The following HIPK2 variants were observed in gnomAD, a reference collection of about 807,000 sequenced individuals.
The protein encoded by HIPK2 is homeodomain interacting protein kinase 2, also known as homeodomain-interacting protein kinase 2.
HIPK2 carries 27 observed loss-of-function variants against 113.7 expected under a neutral mutation model. The observed-to-expected ratio is 0.24, with a 90% confidence interval of 0.17 to 0.33. The LOEUF (loss-of-function observed/expected upper bound fraction) is 0.33, where lower values mean the gene tolerates loss of function less well. HIPK2 is among the 10% of genes least tolerant of loss of function. The pLI is 1.00. For missense variants in HIPK2, 1,257 were observed against 1,588.0 expected (o/e 0.79, Z 3.54); for synonymous variants, 631 against 642.2 (o/e 0.98, Z 0.26).
chr7:139,676,761 G>A (rs906478241), intron 2 of HIPK2, among the ~76,000 whole-genome samples: 5 of 151,966 alleles, frequency 3.3e-5, no homozygotes, highest in South Asian at 2.1e-4. Flanking sequence ...GTAGGTACTC[G>A]AAAAACATGT....
chr7:139,741,627 T>G (rs1796100476), intron 1 of HIPK2, among the ~76,000 whole-genome samples: 1 of 148,546 alleles, frequency 6.7e-6, no homozygotes. Context: ...CCCATTAATC[T>G]CCACACTCTA....
chr7:139,581,925 C>T (rs1245130350), intron 13 of HIPK2, among the ~76,000 whole-genome samples: 1 of 152,210 alleles, frequency 6.6e-6, no homozygotes, highest in Admixed American at 6.5e-5. Flanking sequence ...AAGACAAATT[C>T]TATCCTTTGC....
rs1585278038 is a variant in HIPK2, at chr7:139,613,766, T to C, written c.1991-443A>G. 1.3e-5 allele frequency among the ~76,000 whole-genome samples: 2 copies of C among 152,320 alleles called. No homozygotes were observed. Among genetic ancestry groups the C allele is most frequent in the Middle Eastern group, 3.4e-3 (1 of 294 alleles). On this transcript the variant is annotated intron_variant, in intron 8 of 14. Coordinates refer to ENST00000406875, the MANE Select transcript of HIPK2 (RefSeq NM_022740.5). This position sits in a 1 kb window ranked among gnomAD's most constrained non-coding sequence, Gnocchi z 4.2. ...ATTCTTAAGCTTTCTGGGTAAATTGTAACAAAGTACACAGTCTAGCTTCTT... is the reference window on the plus strand; with the variant it reads ...ATTCTTAAGCTTTCTGGGTAAATTGCAACAAAGTACACAGTCTAGCTTCTT...
intron 12 of HIPK2, among the ~76,000 whole-genome samples, chr7:139,586,026 A>G (rs181916641): frequency 1.8e-4 from 27 of 152,338 alleles, no homozygotes; most frequent in Middle Eastern, 6.8e-3. Flanking sequence ...GTTAAATAGT[A>G]AAAGCTTTAA....
At chr7:139,651,260 C>G (rs1801448390) in intron 2 of HIPK2, among the ~76,000 whole-genome samples, 1 of 152,122 alleles carries the variant, frequency 6.6e-6, no homozygotes, top group African/African-American at 2.4e-5. Context: ...TTCCAAGCAC[C>G]CAAATGCAGG....
intron 14 of HIPK2, among the ~76,000 whole-genome samples, chr7:139,574,301 G>A (rs921982929): frequency 2.0e-5 from 3 of 152,136 alleles, no homozygotes; most frequent in African/African-American, 7.2e-5. Context: ...TTGAGTCCAG[G>A]AGGCAGAGGC....
chr7:139,591,800 G>A (rs1213454325), intron 12 of HIPK2, among the ~76,000 whole-genome samples: 3 of 152,254 alleles, frequency 2.0e-5, no homozygotes, highest in African/African-American at 7.2e-5. Context: ...ATGGCACTGT[G>A]TGTCTGGGTT....
intron 2 of HIPK2, among the ~76,000 whole-genome samples, chr7:139,697,319 G>C (rs1044923248): frequency 2.0e-5 from 3 of 152,324 alleles, no homozygotes; most frequent in African/African-American, 7.2e-5. Context: ...TTTTCTCTCC[G>C]AGTGAAGGAG....
intron 13 of HIPK2, among the ~76,000 whole-genome samples, chr7:139,580,006 C>T (rs959365717): frequency 2.0e-5 from 3 of 152,164 alleles, no homozygotes; most frequent in Non-Finnish European, 2.9e-5. Flanking sequence ...ACTCAAAGGT[C>T]CCCCAAAACC....
At chr7:139,679,435 G>A (rs1278384528) in intron 2 of HIPK2, among the ~76,000 whole-genome samples, 4 of 151,952 alleles carry the variant, frequency 2.6e-5, no homozygotes, top group Admixed American at 2.0e-4. Context: ...AAGAAGATGT[G>A]GGTACTTCGG....
At chr7:139,725,022 A>C (rs1795530238) in intron 1 of HIPK2, among the ~76,000 whole-genome samples, 1 of 152,184 alleles carries the variant, frequency 6.6e-6, no homozygotes. Flanking sequence ...AAAAACAAAA[A>C]ACATGAAATA....
Position 139,596,927 on chromosome 7 carries a change from T to C in HIPK2, c.2507A>G (p.Glu836Gly), listed in dbSNP as rs1799238935. 4 of 1,612,882 alleles carry C rather than the reference T, an allele frequency of 2.5e-6. No individual in the cohort carries two copies. Among genetic ancestry groups the C allele is most frequent in the Admixed American group, 1.7e-5 (1 of 59,996 alleles). The change falls in exon 12 of 15, where the codon GAG becomes GGG. Residue 836 changes from glutamate (E) to glycine (G), a missense_variant. By Grantham distance (98) the Glu-to-Gly change is moderately conservative. Coordinates refer to ENST00000406875, the MANE Select transcript of HIPK2 (RefSeq NM_022740.5). Reference protein sequence around the residue: ...SSPQRSKRVKENTPPRCAMVH... With the variant: ...SSPQRSKRVKGNTPPRCAMVH... ...CATGGCACAGCGGGGAGGTGTGTTC[T>C]CCTTGACACGCTTGGATCGCTGTGG...
intron 2 of HIPK2, among the ~76,000 whole-genome samples, chr7:139,637,223 T>A (rs534934513): frequency 6.6e-6 from 1 of 152,152 alleles, no homozygotes; most frequent in East Asian, 1.9e-4. Context: ...ACTTCCTCCA[T>A]GGCAGCCACA....
intron 14 of HIPK2, 74 bp downstream of exon 14, chr7:139,575,054 G>A (rs1798440043): frequency 6.7e-7 from 1 of 1,491,942 alleles, no homozygotes; most frequent in South Asian, 1.3e-5. Flanking sequence ...GGCCGCCACA[G>A]CAATCCTCTC....
intron 1 of HIPK2, among the ~76,000 whole-genome samples, chr7:139,726,951 T>C (rs1372864416): frequency 2.0e-5 from 3 of 152,152 alleles, no homozygotes; most frequent in Non-Finnish European, 2.9e-5. Context: ...AAGGGCTTGG[T>C]TTGGGGCAGA....
chr7:139,714,127 G>A lies in HIPK2; in HGVS notation c.1103+1805C>T, dbSNP rs187391351. On this transcript the variant is annotated intron_variant, in intron 2 of 14. Coordinates refer to ENST00000406875, the MANE Select transcript of HIPK2 (RefSeq NM_022740.5). The surrounding 1 kb of genome is among the most constrained non-coding windows in gnomAD (Gnocchi z 4.2). ...CAGCAGTAGACCCGTCTGTCCGCAC[G>A]GGGCCTGGTGGTGAAAGCACAGGCC... is the stretch of plus-strand genomic sequence containing the variant. Among the ~76,000 whole-genome samples, 45 of 152,320 alleles carry A rather than the reference G, an allele frequency of 3.0e-4. No individual in the cohort carries two copies. Among genetic ancestry groups the A allele is most frequent in the African/African-American group, 1.0e-3 (42 of 41,578 alleles).
intron 8 of HIPK2, 82 bp downstream of exon 8, chr7:139,614,204 C>T (rs1362419710): frequency 4.2e-6 from 5 of 1,195,362 alleles, no homozygotes; most frequent in Non-Finnish European, 4.4e-6. Flanking sequence ...TGAAAATGAG[C>T]GTGACAGAAA....
At chr7:139,659,104 C>T (rs1191619895) in intron 2 of HIPK2, among the ~76,000 whole-genome samples, 1 of 152,176 alleles carries the variant, frequency 6.6e-6, no homozygotes, top group Non-Finnish European at 1.5e-5. Flanking sequence ...CAATAGGGCC[C>T]TGTCTCTGCT....
Position 139,613,142 on chromosome 7 carries a change from T to G in HIPK2, c.2112+60A>C. On this transcript the variant is annotated intron_variant, in intron 9 of 14. Transcript: ENST00000406875. The surrounding 1 kb of genome is among the most constrained non-coding windows in gnomAD (Gnocchi z 4.2). ...AGAGGGAGTGGAGATATATATCTTT[T>G]GTGAACAACATTAACACAGGTAATG... The G allele has an allele frequency of 6.3e-7, 1 of 1,597,712 alleles. No individual in the cohort carries two copies. Among genetic ancestry groups the G allele is most frequent in the East Asian group, 2.2e-5 (1 of 44,496 alleles).
Sources: allele counts gnomAD v4.1 joint callset (sites outside exome capture counted in the v4.1 genomes callset), GRCh38; gene constraint gnomAD v4.1.1; non-coding constraint Gnocchi (gnomAD v3.1); transcripts MANE v1.5; gene names NCBI Gene and HGNC (gene_info 2026-07-23, HGNC 2026-07-21).